Variants in TSPAN32 observed in about 807,000 individuals in gnomAD.
The protein encoded by TSPAN32 is tetraspanin 32, also known as tetraspanin-32.
TSPAN32 carries 47 observed loss-of-function variants against 42.7 expected under a neutral mutation model. The observed-to-expected ratio is 1.10, with a 90% CI of 0.87 to 1.40. The LOEUF is 1.40. TSPAN32 is among the 40% of genes most tolerant of loss of function. The pLI is 0.00. For synonymous variants in TSPAN32, 175 were observed against 175.9 expected (o/e 0.99, Z 0.04); for missense variants, 469 against 424.1 (o/e 1.11, Z -0.93).
intron 1 of TSPAN32, chr11:2,302,637 A>G (rs1286094822): frequency 6.7e-6 from 4 of 592,900 alleles, no homozygotes; most frequent in South Asian, 4.0e-5. Context: ...TGCGTCTACC[A>G]TGTGGGGGTG....
Position 2,315,383 on chromosome 11 carries a change from C to T in TSPAN32, c.543+812C>T, listed in dbSNP as rs1051483337. ...GAGGATGGTGCTGGGGAGGGACCAGCGGCATTGGGGGCAGGGCTAACAGTC... is the reference window on the plus strand; with the variant it reads ...GAGGATGGTGCTGGGGAGGGACCAGTGGCATTGGGGGCAGGGCTAACAGTC... On this transcript the variant is annotated intron_variant, in intron 6 of 9. Coordinates refer to ENST00000182290, the MANE Select transcript of TSPAN32 (RefSeq NM_139022.3). The T allele has an allele frequency of 7.9e-6, 9 of 1,136,860 alleles. No homozygotes were observed. The Admixed American group carries it at 1.4e-4, about 18-fold the overall frequency. The allele number at this position is 1,136,860 out of a possible 1,614,324, so 70.4% of individuals were successfully genotyped here.
intron 4 of TSPAN32, among the ~76,000 whole-genome samples, chr11:2,311,394 G>A (rs1486989924): frequency 6.6e-6 from 1 of 152,174 alleles, no homozygotes; most frequent in Non-Finnish European, 1.5e-5. Context: ...CTCCTCGAGG[G>A]CTGAGAGCCA....
chr11:2,314,385 C>G lies in TSPAN32; in HGVS notation c.457-100C>G. ...GCCCCAGCCCTGGCCTGCAGGGAAC[C>G]CCACCTGGATACTTGTGGTGCCTCA... is the stretch of plus-strand genomic sequence containing the variant. On this transcript the variant is annotated intron_variant, in intron 5 of 9. Coordinates refer to ENST00000182290, the MANE Select transcript of TSPAN32 (RefSeq NM_139022.3). The G allele has an allele frequency of 4.2e-6, 4 of 957,824 alleles. No individual in the cohort carries two copies. The South Asian group carries it at 4.2e-5, about 10-fold the overall frequency. 59.3% of individuals were successfully genotyped at this position (957,824 alleles called of 1,614,324 possible).
intron 3 of TSPAN32, among the ~76,000 whole-genome samples, chr11:2,306,448 C>A (rs191762930): frequency 4.6e-5 from 7 of 152,118 alleles, no homozygotes; most frequent in Admixed American, 2.6e-4. Flanking sequence ...GCAGACCTGA[C>A]CACCCAGCAG....
At position 2,308,754 on chromosome 11, in the gene TSPAN32, C is replaced by A. The variant is rs372246596; in HGVS notation, c.298C>A (p.Leu100Met). 1.3e-6 allele frequency: 2 copies of A among 1,574,720 alleles called. No homozygotes were observed. The highest frequency in any genetic ancestry group is 2.7e-5 in the African/African-American group (2 of 73,488). ...CCCCCAGGGCTTCCTGTGCTTCTCCCTGGCGTTCTGCGCACAGGTGCAGGT... is the reference window on the plus strand; with the variant it reads ...CCCCCAGGGCTTCCTGTGCTTCTCCATGGCGTTCTGCGCACAGGTGCAGGT... ...LMAGGFLCFS[L>M]AFCAQVQVVF... Residue 100 changes from leucine to methionine, a missense_variant, in exon 4 of 10, where the codon CTG (leucine) becomes ATG (methionine). Coordinates refer to ENST00000182290, the MANE Select transcript of TSPAN32 (RefSeq NM_139022.3).
intron 3 of TSPAN32, among the ~76,000 whole-genome samples, chr11:2,307,416 G>A (rs946394472): frequency 1.3e-5 from 2 of 152,218 alleles, no homozygotes; most frequent in African/African-American, 4.8e-5. Context: ...TGCTGCCTGA[G>A]GGGGCTGGCG....
At chr11:2,315,180 CCT>C in intron 6 of TSPAN32, 13 of 926,926 alleles carry the variant, frequency 1.4e-5, no homozygotes, top group Non-Finnish European at 1.5e-5. Flanking sequence ...CACCCTGCCC[CCT>C]CCCTGCTCCC....
intron 3 of TSPAN32, among the ~76,000 whole-genome samples, chr11:2,306,320 A>G (rs1377606082): frequency 2.0e-5 from 3 of 152,164 alleles, no homozygotes; most frequent in Non-Finnish European, 4.4e-5. Flanking sequence ...AGGAAATGAA[A>G]GAGCTTGCTG....
intron 6 of TSPAN32, 52 bp from the exon 7 acceptor site, chr11:2,316,177 C>A: frequency 6.6e-7 from 1 of 1,513,934 alleles, no homozygotes. Context: ...GCCGCTTGTC[C>A]AGGCAGGGAG....
In TSPAN32 at chr11:2,317,474, G is replaced by A. The variant is rs1277439314; in HGVS notation, c.850G>A (p.Glu284Lys). The A allele has an allele frequency of 2.5e-6, 4 of 1,599,860 alleles. No homozygotes were observed. Among genetic ancestry groups the A allele is most frequent in the Non-Finnish European group, 3.4e-6 (4 of 1,173,756 alleles). ...GCSGSLRWLQ[E>K]SDAAPLPLSC... ...CTCGGGTAGTCTTCGGTGGCTGCAG[G>A]AGAGCGATGCTGCGCCTCTGCCCCT... is the stretch of plus-strand genomic sequence containing the variant. Residue 284 changes from glutamate (E) to lysine (K), a missense_variant, in exon 9 of 10, where the codon GAG (glutamate) becomes AAG (lysine). Glu to Lys is a moderately conservative substitution (Grantham distance 56). Coordinates refer to ENST00000182290, the MANE Select transcript of TSPAN32 (RefSeq NM_139022.3). The surrounding 1 kb of genome is among the most constrained non-coding windows in gnomAD (Gnocchi z 6.2).
Position 2,302,178 on chromosome 11 carries a change from C to T in TSPAN32, c.29C>T (p.Ala10Val). ...GGGCCTTGGAGTCGAGTCAGGGTTG[C>T]CAAATGCCAGATGCTGGTCACCTGC... is the stretch of plus-strand genomic sequence containing the variant. MGPWSRVRVAKCQMLVTCFF... is the reference protein window; with the variant it reads MGPWSRVRVVKCQMLVTCFF... The change falls in exon 1 of 10, where the codon GCC (alanine) becomes GTC (valine). Residue 10 changes from alanine (A) to valine (V), a missense_variant. Coordinates refer to ENST00000182290, the MANE Select transcript of TSPAN32 (RefSeq NM_139022.3). 7.1e-7 allele frequency: 1 copy of T among 1,416,802 alleles called. No individual in the cohort carries two copies. The highest frequency in any genetic ancestry group is 9.3e-7 in the Non-Finnish European group (1 of 1,080,432). The allele number at this position is 1,416,802 out of a possible 1,614,324, so 87.8% of individuals were successfully genotyped here.
rs948287464 is a variant in TSPAN32, at chr11:2,318,057, C to G, written c.*133C>G. 5.0e-6 allele frequency: 3 copies of G among 595,368 alleles called. No individual in the cohort carries two copies. The highest frequency in any genetic ancestry group is 3.7e-5 in the African/African-American group (2 of 53,448). The allele number at this position is 595,368 out of a possible 1,614,324, so 36.9% of individuals were successfully genotyped here. A position where few individuals can be genotyped will look rare whatever the true frequency, so the allele number is the denominator to read the frequency against. On this transcript the variant is annotated 3_prime_UTR_variant, in exon 10 of 10. Coordinates refer to ENST00000182290, the MANE Select transcript of TSPAN32 (RefSeq NM_139022.3). The surrounding 1 kb of genome is among the most constrained non-coding windows in gnomAD (Gnocchi z 4.2). The stretch of plus-strand genomic sequence containing the variant: ...AGGTTCCCAAGTCCTTGTCCCTGGT[C>G]CTGTGGTCCCTCCACCTTCAAACCA...
chr11:2,311,527 T>TA (rs1170113507), intron 4 of TSPAN32, among the ~76,000 whole-genome samples: 9 of 152,114 alleles, frequency 5.9e-5, no homozygotes, highest in Admixed American at 5.9e-4. Context: ...CTGGAGCCAC[T>TA]ACCCTCCCTG....
chr11:2,309,553 C>T (rs1032913802), intron 4 of TSPAN32: 9 of 352,410 alleles, frequency 2.6e-5, no homozygotes, highest in Middle Eastern at 9.9e-4. Flanking sequence ...GGGACAGCCA[C>T]GGGCAGGGTC....
At chr11:2,303,086 G>A (rs569108266) in intron 2 of TSPAN32, 128 bp downstream of exon 2, 4 of 787,442 alleles carry the variant, frequency 5.1e-6, no homozygotes, top group African/African-American at 3.5e-5. Flanking sequence ...AGGTGGTCAG[G>A]GGCAGGGAGG....
At chr11:2,315,486 C>A (rs1848731224) in intron 6 of TSPAN32, 12 of 1,154,468 alleles carry the variant, frequency 1.0e-5, no homozygotes, top group Non-Finnish European at 9.7e-6. Context: ...CCTCGAGCAC[C>A]CTTGGGATGG....
chr11:2,306,042 GCC>G (rs1359938855), intron 3 of TSPAN32, among the ~76,000 whole-genome samples: 3 of 139,544 alleles, frequency 2.1e-5, no homozygotes, highest in Non-Finnish European at 4.6e-5. Flanking sequence ...GTGTGCAGGT[GCC>G]TCTGTGTGTG....
chr11:2,308,664 GC>G (rs34400624), intron 3 of TSPAN32, 71 bp from the exon 4 acceptor site: 32,979 of 100,182 alleles, frequency 0.33, 16,310 homozygotes, highest in African/African-American at 0.89. Flanking sequence ...ACAGTGACCG[GC>G]CCCCCCCAGC....
intron 1 of TSPAN32, 73 bp downstream of exon 1, chr11:2,302,288 A>G: frequency 1.5e-6 from 2 of 1,316,612 alleles, no homozygotes; most frequent in Non-Finnish European, 2.0e-6. Flanking sequence ...GGGCCTCAGC[A>G]CAGGGATTAT....
Sources: allele counts gnomAD v4.1 joint callset (sites outside exome capture counted in the v4.1 genomes callset), GRCh38; gene constraint gnomAD v4.1.1; non-coding constraint Gnocchi (gnomAD v3.1); transcripts MANE v1.5; gene names NCBI Gene and HGNC (gene_info 2026-07-23, HGNC 2026-07-21).